GSAP: variants seen among roughly 807,000 people sequenced by gnomAD.
GSAP encodes gamma-secretase-activating protein.
In GSAP, 118 loss-of-function variants were observed where a neutral mutation model predicts 131.7. The ratio of observed to expected loss-of-function variants is 0.90; its 90% CI spans 0.77 to 1.04. The LOEUF (loss-of-function observed/expected upper bound fraction) is 1.04, where lower values mean the gene tolerates loss of function less well. Among genes scored for constraint, GSAP ranks in the 50% least tolerant of loss-of-function variants. GSAP has a pLI of 0.00. For missense variants in GSAP, 1,019 were observed against 1,013.2 expected (o/e 1.01, Z -0.08); for synonymous variants, 381 against 363.4 (o/e 1.05, Z -0.55).
chr7:77,314,201 G>A (rs188031286), intron 27 of GSAP, among the ~76,000 whole-genome samples, 169 bp downstream of exon 27: 5 of 152,248 alleles, frequency 3.3e-5, no homozygotes, highest in East Asian at 1.9e-4. Flanking sequence ...GCAAGCCCTC[G>A]TTCAAATACT....
intron 5 of GSAP, among the ~76,000 whole-genome samples, chr7:77,390,844 G>A (rs1199073196): frequency 2.7e-5 from 4 of 150,294 alleles, no homozygotes; most frequent in Non-Finnish European, 4.4e-5. Flanking sequence ...AGCTACCCGG[G>A]AGGCTAAGGC....
chr7:77,380,838 C>A (rs911604862), intron 8 of GSAP, among the ~76,000 whole-genome samples: 1 of 152,004 alleles, frequency 6.6e-6, no homozygotes, highest in African/African-American at 2.4e-5. Flanking sequence ...TATGCATATA[C>A]GTACATATGA....
At chr7:77,382,058 C>G (rs1797888250) in intron 7 of GSAP, among the ~76,000 whole-genome samples, 1 of 147,394 alleles carries the variant, frequency 6.8e-6, no homozygotes, top group Non-Finnish European at 1.5e-5. Flanking sequence ...TTCTGTCCTT[C>G]CTCTCCCTCT....
chr7:77,378,930 C>T (rs1186600102), intron 8 of GSAP, among the ~76,000 whole-genome samples: 1 of 152,142 alleles, frequency 6.6e-6, no homozygotes, highest in Non-Finnish European at 1.5e-5. Context: ...ATATTCATGC[C>T]TAAACCCTCC....
At chr7:77,355,787 G>GTTTTGTTTTT in intron 14 of GSAP, 140 bp from the exon 15 acceptor site, 1 of 291,652 alleles carries the variant, frequency 3.4e-6, no homozygotes, top group Non-Finnish European at 6.1e-6. Flanking sequence ...ATGACAGCCC[G>GTTTTGTTTTT]TTTTTTTTTT....
chr7:77,397,145 A>G (rs1170832684), intron 4 of GSAP, 110 bp from the exon 5 acceptor site: 1 of 741,660 alleles, frequency 1.3e-6, no homozygotes, highest in Non-Finnish European at 2.3e-6. Context: ...ATGTCAACGG[A>G]AGATAAGGGC....
chr7:77,371,158 C>G (rs1039796906), intron 12 of GSAP, among the ~76,000 whole-genome samples: 1 of 152,168 alleles, frequency 6.6e-6, no homozygotes, highest in African/African-American at 2.4e-5. Context: ...AAACAAAACT[C>G]ACAATCTTCC....
chr7:77,367,224 T>C (rs1795455793), intron 12 of GSAP, among the ~76,000 whole-genome samples: 1 of 152,190 alleles, frequency 6.6e-6, no homozygotes, highest in Admixed American at 6.5e-5. Flanking sequence ...CTGATTGCTC[T>C]AGCTATGACT....
chr7:77,358,883 A>G (rs1247140192), intron 14 of GSAP, among the ~76,000 whole-genome samples: 1 of 152,216 alleles, frequency 6.6e-6, no homozygotes, highest in African/African-American at 2.4e-5. Flanking sequence ...AAATTACAAA[A>G]TGTTTAAAGA....
At chr7:77,400,933 C>A (rs1312832815) in intron 3 of GSAP, among the ~76,000 whole-genome samples, 2 of 135,884 alleles carry the variant, frequency 1.5e-5, no homozygotes, top group African/African-American at 3.1e-5. Flanking sequence ...AATACAATTA[C>A]CAATTTTTTT....
intron 12 of GSAP, among the ~76,000 whole-genome samples, chr7:77,364,517 T>A (rs1353116479): frequency 9.5e-6 from 1 of 105,154 alleles, no homozygotes; most frequent in African/African-American, 3.8e-5. Context: ...CTCTGGGGAC[T>A]GTAGTGGGGT....
intron 5 of GSAP, among the ~76,000 whole-genome samples, chr7:77,388,237 GCC>G (rs1309384291): frequency 1.1e-4 from 16 of 152,182 alleles, no homozygotes; most frequent in Non-Finnish European, 2.1e-4. Context: ...AGCTCCACAA[GCC>G]CTCTAGGCTT....
intron 19 of GSAP, among the ~76,000 whole-genome samples, chr7:77,341,870 G>C (rs1325841484): frequency 6.6e-6 from 1 of 152,184 alleles, no homozygotes; most frequent in Non-Finnish European, 1.5e-5. Context: ...TCCACCGTGA[G>C]AGAAACCCCA....
chr7:77,330,570 TC>T, intron 19 of GSAP: 4 of 1,078,592 alleles, frequency 3.7e-6, no homozygotes, highest in Non-Finnish European at 4.5e-6. Context: ...TCATTTTCTG[TC>T]TCTTTTTTTT....
At chr7:77,349,268 C>A in intron 19 of GSAP, 83 bp downstream of exon 19, 5 of 1,102,092 alleles carry the variant, frequency 4.5e-6, no homozygotes, top group Non-Finnish European at 6.9e-6. Flanking sequence ...AATTTGCAAT[C>A]CCTTTTGGAA....
chr7:77,353,463 C>A, intron 17 of GSAP, 109 bp downstream of exon 17: 3 of 614,246 alleles, frequency 4.9e-6, no homozygotes, highest in Non-Finnish European at 8.6e-6. Context: ...TTTTAATGTG[C>A]TCCAAAGTAG....
intron 19 of GSAP, among the ~76,000 whole-genome samples, chr7:77,342,327 A>G (rs749201530): frequency 2.6e-5 from 4 of 151,990 alleles, no homozygotes; most frequent in Non-Finnish European, 4.4e-5. Context: ...TTGCCTCCAT[A>G]ACTGTTGTGG....
At chr7:77,322,338 C>T (rs1042948034) in intron 24 of GSAP, among the ~76,000 whole-genome samples, 52 of 152,264 alleles carry the variant, frequency 3.4e-4, no homozygotes, top group African/African-American at 1.2e-3. Context: ...GGAGATGTGG[C>T]CTCAATCAGT....
chr7:77,317,955 C>T (rs1181834998), intron 26 of GSAP, among the ~76,000 whole-genome samples: 1 of 152,186 alleles, frequency 6.6e-6, no homozygotes, highest in Non-Finnish European at 1.5e-5. Flanking sequence ...TTTGTACTGC[C>T]ATACAGACAG....
Sources: allele counts gnomAD v4.1 joint callset (sites outside exome capture counted in the v4.1 genomes callset), GRCh38; gene constraint gnomAD v4.1.1; transcripts MANE v1.5; gene names NCBI Gene and HGNC (gene_info 2026-07-23, HGNC 2026-07-21).